Variants in TBL1Y observed in about 807,000 individuals in gnomAD.
TBL1Y encodes the protein transducin beta like 1 Y-linked.
TBL1Y carries 15 observed loss-of-function variants against 12.0 expected under a neutral mutation model. The observed-to-expected ratio is 1.25, with a 90% CI of 0.83 to 1.92. TBL1Y has a LOEUF of 1.92. Among genes scored for constraint, TBL1Y ranks in the 40% most tolerant of loss-of-function variants. The probability of loss-of-function intolerance (pLI) is 0.00; values close to 1 mark genes in which losing one functional copy is unlikely to be tolerated. For missense variants in TBL1Y, 148 were observed against 116.7 expected (o/e 1.27, Z -1.24); for synonymous variants, 53 against 42.6 (o/e 1.24, Z -0.95).
At chrY:6,993,647 G>C in intron 3 of TBL1Y, among the ~76,000 whole-genome samples, 1 of 31,634 alleles carries the variant, frequency 3.2e-5, no homozygotes, top group African/African-American at 1.2e-4. Context: ...TGCAGTGTTT[G>C]TTTTTCTGTT....
chrY:7,064,730 T>C (rs2012961391), intron 8 of TBL1Y, among the ~76,000 whole-genome samples: 1 of 33,355 alleles, frequency 3.0e-5, no homozygotes, highest in Non-Finnish European at 7.4e-5. Flanking sequence ...TCAGCATGTA[T>C]GTAAGTTCAG....
intron 6 of TBL1Y, among the ~76,000 whole-genome samples, chrY:7,029,880 C>T: frequency 2.9e-5 from 1 of 33,904 alleles, no homozygotes; most frequent in East Asian, 7.8e-4. Context: ...ATTGTGTGCA[C>T]CAGCCATTCT....
At chrY:7,043,379 G>A in intron 7 of TBL1Y, among the ~76,000 whole-genome samples, 5 of 30,874 alleles carry the variant, frequency 1.6e-4, no homozygotes, top group African/African-American at 6.5e-4. Flanking sequence ...AGATTAGCTG[G>A]GTGTGCTGGT....
At chrY:7,063,228 C>T (rs1051031041) in intron 7 of TBL1Y, among the ~76,000 whole-genome samples, 1 of 33,375 alleles carries the variant, frequency 3.0e-5, no homozygotes, top group African/African-American at 1.2e-4. Context: ...AAATAGCATT[C>T]GAATATAAAA....
chrY:7,083,163 A>G, intron 14 of TBL1Y, among the ~76,000 whole-genome samples: 1 of 33,856 alleles, frequency 3.0e-5, no homozygotes, highest in African/African-American at 1.2e-4. Flanking sequence ...TGCCACCAGC[A>G]TGGGACTTGA....
intron 6 of TBL1Y, among the ~76,000 whole-genome samples, chrY:7,028,046 G>A: frequency 3.0e-5 from 1 of 33,527 alleles, no homozygotes; most frequent in Non-Finnish European, 7.4e-5. Context: ...GTGAGGAAGG[G>A]AGTAGGTGTT....
At chrY:7,084,268 C>G (rs907380427) in intron 14 of TBL1Y, among the ~76,000 whole-genome samples, 1 of 33,131 alleles carries the variant, frequency 3.0e-5, no homozygotes, top group Admixed American at 2.7e-4. Flanking sequence ...CCAGCTGAAC[C>G]TTTGCTGCAA....
At chrY:6,987,279 C>T in intron 3 of TBL1Y, among the ~76,000 whole-genome samples, 1 of 31,907 alleles carries the variant, frequency 3.1e-5, no homozygotes, top group African/African-American at 1.2e-4. Context: ...TATTGTCTAC[C>T]TCTGTAATTT....
At chrY:7,014,026 G>T (rs2124146844) in intron 4 of TBL1Y, among the ~76,000 whole-genome samples, 1 of 33,622 alleles carries the variant, frequency 3.0e-5, no homozygotes, top group East Asian at 7.8e-4. Flanking sequence ...GTTGACTTTG[G>T]AAGACTATTG....
At chrY:6,971,890 T>C in intron 2 of TBL1Y, among the ~76,000 whole-genome samples, 1 of 33,854 alleles carries the variant, frequency 3.0e-5, no homozygotes, top group Non-Finnish European at 7.3e-5. Flanking sequence ...ATTACAGGTG[T>C]GAGCCACTGA....
intron 13 of TBL1Y, among the ~76,000 whole-genome samples, chrY:7,080,051 GTTTTTTTTTTTTTTTTTTT>G (rs1466829965): frequency 2.5e-4 from 1 of 3,950 alleles, no homozygotes. Flanking sequence ...GGGACTGTTT[GTTTTTTTTTTTTTTTTTTT>G]TTTTTTTTTT....
At chrY:6,982,982 C>T in intron 3 of TBL1Y, among the ~76,000 whole-genome samples, 2 of 33,262 alleles carry the variant, frequency 6.0e-5, no homozygotes, top group Non-Finnish European at 1.5e-4. Context: ...AAACCTCCCC[C>T]TGCCCACCAC....
At chrY:6,944,464 G>A in intron 2 of TBL1Y, among the ~76,000 whole-genome samples, 1 of 33,712 alleles carries the variant, frequency 3.0e-5, no homozygotes, top group African/African-American at 1.2e-4. Context: ...CCATTTTTAA[G>A]TGTACAGTTC....
chrY:7,077,583 T>G (rs2013068501), intron 13 of TBL1Y, among the ~76,000 whole-genome samples: 1 of 34,022 alleles, frequency 2.9e-5, no homozygotes, highest in African/African-American at 1.1e-4. Context: ...TCAGGCAATG[T>G]TGTAAACAAG....
chrY:6,989,306 G>C, intron 3 of TBL1Y, among the ~76,000 whole-genome samples: 1 of 33,386 alleles, frequency 3.0e-5, no homozygotes, highest in Non-Finnish European at 7.4e-5. Context: ...GAGTTCCGCA[G>C]TTCTCGTAGG....
At chrY:7,027,945 T>C in intron 6 of TBL1Y, among the ~76,000 whole-genome samples, 1 of 32,889 alleles carries the variant, frequency 3.0e-5, no homozygotes, top group Non-Finnish European at 7.4e-5. Flanking sequence ...GGTTCCCATA[T>C]CCAGTAATCT....
intron 2 of TBL1Y, among the ~76,000 whole-genome samples, chrY:6,963,745 C>T (rs1603030946): frequency 3.0e-5 from 1 of 33,396 alleles, no homozygotes; most frequent in African/African-American, 1.2e-4. Context: ...CCTGCTGTGG[C>T]GGGGGATAAC....
intron 3 of TBL1Y, among the ~76,000 whole-genome samples, chrY:6,979,091 C>T (rs1603033014): frequency 9.2e-5 from 3 of 32,491 alleles, no homozygotes; most frequent in Non-Finnish European, 1.5e-4. Context: ...ACCGCCACCA[C>T]GCCCAGCTAA....
Position 7,070,189 on chromosome Y carries a change from A to G in TBL1Y, c.458-7A>G. On this transcript the variant is annotated splice_region_variant and splice_polypyrimidine_tract_variant and intron_variant, in intron 8 of 18. Transcript: ENST00000383032. ...AGCCATATGTCTCTTTGTGTTTCCT[A>G]TGACAGATAATCACTCAAAGCCAAT... The G allele has an allele frequency of 2.5e-6, 1 of 397,127 alleles. No homozygotes were observed. Among genetic ancestry groups the G allele is most frequent in the East Asian group, 9.3e-5 (1 of 10,800 alleles).
Sources: allele counts gnomAD v4.1 joint callset (sites outside exome capture counted in the v4.1 genomes callset), GRCh38; gene constraint gnomAD v4.1.1; transcripts MANE v1.5; gene names NCBI Gene and HGNC (gene_info 2026-07-23, HGNC 2026-07-21).